Variants in SEMA6B observed in about 807,000 individuals in gnomAD.
SEMA6B encodes semaphorin 6B, also known as semaphorin-6B.
Under a neutral mutation model 78.6 loss-of-function variants are expected in SEMA6B, and 47 were observed. The observed-to-expected ratio is 0.60, with a 90% CI of 0.47 to 0.76. SEMA6B has a LOEUF of 0.76. Ranked by LOEUF, SEMA6B falls within the 30% of genes least tolerant of loss-of-function variation. The pLI, the probability that SEMA6B is intolerant of heterozygous loss-of-function variation, is 0.00. For missense variants in SEMA6B, 1,213 were observed against 1,269.9 expected (o/e 0.96, Z 0.68); for synonymous variants, 632 against 592.2 (o/e 1.07, Z -0.98).
chr19:4,552,718 C>T lies in SEMA6B; in HGVS notation c.772-79G>A. The stretch of plus-strand genomic sequence containing the variant: ...TGTTCACAGGCTGTGCCACTCACCA[C>T]CCAAACTGTGATGGAGGAGTCTGAC... On this transcript the variant is annotated intron_variant, in intron 9 of 16. Transcript: ENST00000586582. The surrounding 1 kb of genome is among the most constrained non-coding windows in gnomAD (Gnocchi z 7.4). The T allele has an allele frequency of 1.5e-6, 2 of 1,371,864 alleles. No individual in the cohort carries two copies. The highest frequency in any genetic ancestry group is 1.0e-6 in the Non-Finnish European group (1 of 1,004,532). The allele number at this position is 1,371,864 out of a possible 1,614,324, so 85.0% of individuals were successfully genotyped here. A position where few individuals can be genotyped will look rare whatever the true frequency, so the allele number is the denominator to read the frequency against.
Position 4,554,491 on chromosome 19 carries a change from G to A in SEMA6B, c.683-15C>T, listed in dbSNP as rs748200800. On this transcript the variant is annotated splice_polypyrimidine_tract_variant and intron_variant, in intron 8 of 16. Coordinates refer to ENST00000586582, the MANE Select transcript of SEMA6B (RefSeq NM_032108.4). ...AAAGTAAGGCTCTGCAGGACAGGAG[G>A]GGTCAGAACTCAGCCCCTGACATGA... is the stretch of plus-strand genomic sequence containing the variant. 1 of 1,605,424 alleles carries A rather than the reference G, an allele frequency of 6.2e-7. No individual in the cohort carries two copies. The highest frequency in any genetic ancestry group is 8.5e-7 in the Non-Finnish European group (1 of 1,172,592).
chr19:4,557,961 C>CCT (rs145128734), intron 3 of SEMA6B, 65 bp downstream of exon 3: 8 of 1,263,034 alleles, frequency 6.3e-6, no homozygotes, highest in South Asian at 2.3e-5. Flanking sequence ...GCCCTCGCCT[C>CCT]CTCTCTCTCT....
chr19:4,546,006 C>A (rs1314266244), intron 16 of SEMA6B: 1 of 464,172 alleles, frequency 2.2e-6, no homozygotes, highest in Non-Finnish European at 3.9e-6. Flanking sequence ...CTCCTGACCT[C>A]GTGATCCACC....
chr19:4,543,790 C>G lies in SEMA6B; in HGVS notation c.2478G>C (p.Thr826=), dbSNP rs1977085278. 1.1e-5 allele frequency: 13 copies of G among 1,221,006 alleles called. No homozygotes were observed. Among genetic ancestry groups the G allele is most frequent in the Non-Finnish European group, 1.3e-5 (13 of 981,164 alleles). 75.6% of individuals were successfully genotyped at this position (1,221,006 alleles called of 1,614,324 possible). ...GLPRPWSPPP[T]GSLRRPLGPH... ...GGCCCAGTGGCCTCCTCAGGCTGCC[C>G]GTCGGGGGCGGGCTCCAGGGCCGCG... The change falls in exon 17 of 17, where the codon ACG becomes ACC. Residue 826 remains threonine (T), a synonymous_variant. Transcript: ENST00000586582.
rs746708174 is a variant in SEMA6B at position 4,548,166 on chromosome 19, G to A, written c.1462C>T (p.Arg488Trp). ...TGCCCTGTCTCGCCACCGCCGGGCC[G>A]TCCACACCTGGGGACAAGCAGAGTG... The part of the protein sequence containing the change: ...FETYRPDRCG[R>W]PGGGETGQRL... Residue 488 changes from arginine to tryptophan, a missense_variant, in exon 14 of 17, where the codon CGG becomes TGG. Coordinates refer to ENST00000586582, the MANE Select transcript of SEMA6B (RefSeq NM_032108.4). 9.1e-5 allele frequency: 144 copies of A among 1,590,526 alleles called. No individual in the cohort carries two copies. The highest frequency in any genetic ancestry group is 1.4e-4 in the East Asian group (6 of 44,280).
At chr19:4,553,423 G>A (rs963352304) in intron 9 of SEMA6B, among the ~76,000 whole-genome samples, 21 of 78,138 alleles carry the variant, frequency 2.7e-4, no homozygotes, top group African/African-American at 1.1e-3. Context: ...AGGTGAGTTG[G>A]ATGGGTGGAT....
At chr19:4,547,892 CT>C in intron 14 of SEMA6B, 134 bp downstream of exon 14, 1 of 1,190,654 alleles carries the variant, frequency 8.4e-7, no homozygotes. Flanking sequence ...GCCCGCGGGC[CT>C]TTGCACGGGC....
Position 4,544,543 on chromosome 19 carries a change from A to G in SEMA6B, c.1739-14T>C. On this transcript the variant is annotated splice_polypyrimidine_tract_variant and intron_variant, in intron 16 of 16. Transcript: ENST00000586582. The surrounding 1 kb of genome is among the most constrained non-coding windows in gnomAD (Gnocchi z 5.1). ...CCCGCAGGAGTCCTGGCCGGGGAGC[A>G]CAGGGGGGTTAGTGGGGCCGGCGGG... 6.8e-7 allele frequency: 1 copy of G among 1,478,084 alleles called. No individual in the cohort carries two copies. The highest frequency in any genetic ancestry group is 1.3e-5 in the South Asian group (1 of 75,944). The allele number at this position is 1,478,084 out of a possible 1,614,324, so 91.6% of individuals were successfully genotyped here.
At position 4,552,033 on chromosome 19, in the gene SEMA6B, A is replaced by G. The variant is rs1309342480; in HGVS notation, c.989+389T>C. Among the ~76,000 whole-genome samples, 2 of 151,912 alleles carry G rather than the reference A, an allele frequency of 1.3e-5. No individual in the cohort carries two copies. Among genetic ancestry groups the G allele is most frequent in the Non-Finnish European group, 2.9e-5 (2 of 67,972 alleles). ...TGCATTCTCCCCTAGTTCCCTTCCCACACAGACTCTCTCACGATTACTTAA... is the reference window on the plus strand; with the variant it reads ...TGCATTCTCCCCTAGTTCCCTTCCCGCACAGACTCTCTCACGATTACTTAA... On this transcript the variant is annotated intron_variant, in intron 10 of 16. Transcript: ENST00000586582. The surrounding 1 kb of genome is among the most constrained non-coding windows in gnomAD (Gnocchi z 7.4).
intron 14 of SEMA6B, 84 bp downstream of exon 14, chr19:4,547,943 G>A: frequency 2.1e-6 from 3 of 1,432,210 alleles, no homozygotes; most frequent in Admixed American, 5.1e-5. Flanking sequence ...ACATCATTGG[G>A]CTTTTGACTG....
Position 4,552,583 on chromosome 19 carries a change from G to T in SEMA6B, c.828C>A (p.Arg276=). 6.2e-7 allele frequency: 1 copy of T among 1,612,756 alleles called. No homozygotes were observed. Among genetic ancestry groups the T allele is most frequent in the Non-Finnish European group, 8.5e-7 (1 of 1,179,852 alleles). Reference sequence around the variant, plus strand: ...AGGACGTCCACTGCTTCTCCAGCACGCGGGGGGAGCCTCCCACGTCGTTCT... The same window carrying T: ...AGGACGTCCACTGCTTCTCCAGCACTCGGGGGGAGCCTCCCACGTCGTTCT... ...VCKNDVGGSP[R]VLEKQWTSFL... The change falls in exon 10 of 17, where the codon CGC becomes CGA. Residue 276 remains arginine (R), a synonymous_variant. Coordinates refer to ENST00000586582, the MANE Select transcript of SEMA6B (RefSeq NM_032108.4). This position sits in a 1 kb window ranked among gnomAD's most constrained non-coding sequence, Gnocchi z 7.4.
chr19:4,556,394 G>C (rs947640559), intron 5 of SEMA6B, among the ~76,000 whole-genome samples: 1 of 152,136 alleles, frequency 6.6e-6, no homozygotes, highest in African/African-American at 2.4e-5. Context: ...CGGCCGATTG[G>C]GGTGGGGCAT....
In SEMA6B at chr19:4,544,084, G is replaced by A. The variant is rs1434770420; in HGVS notation, c.2184C>T (p.His728=). The part of the protein sequence containing the change: ...KRLPTPHPHP[H]ALGPRAWDHG... ...GGTCCCAGGCGCGGGGGCCCAGGGC[G>A]TGGGGGTGCGGGTGCGGAGTGGGCA... The change falls in exon 17 of 17, where the codon CAC becomes CAT. Residue 728 remains histidine (H), a synonymous_variant. Transcript: ENST00000586582. The surrounding 1 kb of genome is among the most constrained non-coding windows in gnomAD (Gnocchi z 5.1). 1.6e-6 allele frequency: 2 copies of A among 1,252,794 alleles called. No homozygotes were observed. The highest frequency in any genetic ancestry group is 2.9e-5 in the South Asian group (1 of 34,926). 77.6% of individuals were successfully genotyped at this position (1,252,794 alleles called of 1,614,324 possible). A position where few individuals can be genotyped will look rare whatever the true frequency, so the allele number is the denominator to read the frequency against.
Position 4,556,950 on chromosome 19 carries a change from C to T in SEMA6B, c.369+1G>A, listed in dbSNP as rs754433225. 6.2e-7 allele frequency: 1 copy of T among 1,612,740 alleles called. No individual in the cohort carries two copies. On this transcript the variant is annotated splice_donor_variant, in intron 5 of 16. Transcript: ENST00000586582. LOFTEE classifies it high-confidence loss of function. Reference sequence around the variant, plus strand: ...CCGGGACCGAGCCAGGGCCAACTCACCTCCTGTTTGCCCTTCATCCGACAC... The same window carrying T: ...CCGGGACCGAGCCAGGGCCAACTCATCTCCTGTTTGCCCTTCATCCGACAC...
In SEMA6B at chr19:4,546,433, C is replaced by A; in HGVS notation, c.1638G>T (p.Trp546Cys). 1 of 1,577,768 alleles carries A rather than the reference C, an allele frequency of 6.3e-7. No individual in the cohort carries two copies. Residue 546 changes from tryptophan to cysteine, a missense_variant, in exon 15 of 17, where the codon TGG (tryptophan) becomes TGT (cysteine). By Grantham distance (215) the Trp-to-Cys change is radical. Transcript: ENST00000586582. ...CIGSQDPYCG[W>C]APDGSCIFLS... Reference sequence around the variant, plus strand: ...GGAAGATGCAGGAGCCGTCGGGGGCCCACCCGCAGTAGGGGTCCTGACTGC... The same window carrying A: ...GGAAGATGCAGGAGCCGTCGGGGGCACACCCGCAGTAGGGGTCCTGACTGC...
intron 3 of SEMA6B, 65 bp downstream of exon 3, chr19:4,557,961 C>T: frequency 7.9e-7 from 1 of 1,263,070 alleles, no homozygotes; most frequent in Admixed American, 3.7e-5. Context: ...GCCCTCGCCT[C>T]CTCTCTCTCT....
chr19:4,552,351 G>A lies in SEMA6B; in HGVS notation c.989+71C>T. The A allele has an allele frequency of 2.1e-6, 3 of 1,416,796 alleles. No individual in the cohort carries two copies. The highest frequency in any genetic ancestry group is 2.1e-5 in the Admixed American group (1 of 48,120). 87.8% of individuals were successfully genotyped at this position (1,416,796 alleles called of 1,614,324 possible). On this transcript the variant is annotated intron_variant, in intron 10 of 16. Transcript: ENST00000586582. This position sits in a 1 kb window ranked among gnomAD's most constrained non-coding sequence, Gnocchi z 7.4. Reference sequence around the variant, plus strand: ...ACCTAGCACCCAGGGCATACCTGAGGAGTGAATACAGGCCCTCTCTACCCA... The same window carrying A: ...ACCTAGCACCCAGGGCATACCTGAGAAGTGAATACAGGCCCTCTCTACCCA...
At chr19:4,546,508 G>A in intron 14 of SEMA6B, 39 bp from the exon 15 acceptor site, 1 of 1,466,338 alleles carries the variant, frequency 6.8e-7, no homozygotes, top group Non-Finnish European at 9.2e-7. Flanking sequence ...AAGTGTCCAA[G>A]TCACTTACAC....
chr19:4,557,488 C>A (rs1341869148), intron 3 of SEMA6B, among the ~76,000 whole-genome samples: 2 of 152,200 alleles, frequency 1.3e-5, no homozygotes, highest in Non-Finnish European at 2.9e-5. Flanking sequence ...CACTCGGCGC[C>A]TCCCAGGCGC....
Sources: gnomAD v4.1 joint callset for allele counts (sites outside exome capture counted in the v4.1 genomes callset) on GRCh38, gnomAD v4.1.1 for gene constraint, Gnocchi (gnomAD v3.1) non-coding constraint, MANE v1.5 for transcripts, NCBI Gene and HGNC (gene_info 2026-07-23, HGNC 2026-07-21) for gene names.